The following MBNL2 variants were observed in gnomAD, a reference collection of about 807,000 sequenced individuals.
MBNL2 encodes the protein muscleblind-like protein 2.
In MBNL2, 17 loss-of-function variants were observed where a neutral mutation model predicts 41.9. The observed-to-expected ratio is 0.41, with a 90% CI of 0.28 to 0.61. MBNL2 has a LOEUF of 0.61. Among genes scored for constraint, MBNL2 ranks in the 20% least tolerant of loss-of-function variants. MBNL2 has a pLI of 0.35. For missense variants in MBNL2, 336 were observed against 505.6 expected (o/e 0.66, Z 3.22); for synonymous variants, 195 against 182.9 (o/e 1.07, Z -0.53).
intron 7 of MBNL2, among the ~76,000 whole-genome samples, chr13:97,363,418 CTGTGTGTGTGTGTGTGTGTGTG>C (rs55745808): frequency 1.3e-4 from 18 of 136,734 alleles, no homozygotes; most frequent in Admixed American, 5.8e-4. Flanking sequence ...GAAAGAAAAA[CTGTGTGTGTGTGTGTGTGTGTG>C]TGTGTGTGTG....
chr13:97,268,353 C>T lies in MBNL2; in HGVS notation c.-604-7279C>T, dbSNP rs141826151. ...CTGACTTCAAATGATCCATCTGCCT[C>T]GGCCTCCCAAACGCTGGGATTACAG... is the stretch of plus-strand genomic sequence containing the variant. On this transcript the variant is annotated intron_variant, in intron 1 of 8. Coordinates refer to ENST00000679496, the MANE Select transcript of MBNL2 (RefSeq NM_001382683.1). This position sits in a 1 kb window ranked among gnomAD's most constrained non-coding sequence, Gnocchi z 4.6. Among the ~76,000 whole-genome samples the T allele has an allele frequency of 3.9e-5, 6 of 152,294 alleles. No homozygotes were observed. Among genetic ancestry groups the T allele is most frequent in the African/African-American group, 1.2e-4 (5 of 41,554 alleles).
At chr13:97,175,682 C>A in the MBNL2 span, among the ~76,000 whole-genome samples, 1 of 152,110 alleles carries the variant, frequency 6.6e-6, no homozygotes, top group South Asian at 2.1e-4. Context: ...ATGGTAATTA[C>A]AAACTTGTAT....
At chr13:97,363,418 CTGTGTGTG>C (rs55745808) in intron 7 of MBNL2, among the ~76,000 whole-genome samples, 2,095 of 136,716 alleles carry the variant, frequency 0.015, 48 homozygotes, top group African/African-American at 0.054. Flanking sequence ...GAAAGAAAAA[CTGTGTGTG>C]TGTGTGTGTG....
the MBNL2 span, among the ~76,000 whole-genome samples, chr13:97,202,275 C>T: frequency 6.6e-6 from 1 of 152,146 alleles, no homozygotes. Flanking sequence ...CTTCCCACTA[C>T]TTCTATTAAT....
At chr13:97,330,276 G>T (rs1201104552) in intron 2 of MBNL2, among the ~76,000 whole-genome samples, 1 of 152,170 alleles carries the variant, frequency 6.6e-6, no homozygotes, top group Non-Finnish European at 1.5e-5. Context: ...CCCATGAGCT[G>T]GTCCCTGGTG....
At chr13:97,223,975 G>A (rs948125141) in intron 1 of MBNL2, among the ~76,000 whole-genome samples, 4 of 152,164 alleles carry the variant, frequency 2.6e-5, no homozygotes, top group African/African-American at 9.7e-5. Context: ...CCACTGGCAG[G>A]ACTTAAGTTA....
chr13:97,156,493 T>C, the MBNL2 span, among the ~76,000 whole-genome samples: 14 of 136,454 alleles, frequency 1.0e-4, no homozygotes, highest in African/African-American at 3.4e-4. Flanking sequence ...TGAATGGTAA[T>C]GCCTAGGTTT....
chr13:97,155,713 A>G, the MBNL2 span, among the ~76,000 whole-genome samples: 2 of 151,908 alleles, frequency 1.3e-5, no homozygotes, highest in Non-Finnish European at 2.9e-5. Context: ...ATGTCCCTAC[A>G]AAGGACATGA....
chr13:97,216,843 C>T (rs1240413412), upstream of MBNL2, among the ~76,000 whole-genome samples: 1 of 151,378 alleles, frequency 6.6e-6, no homozygotes, highest in African/African-American at 2.4e-5. Flanking sequence ...TGCATGTGTG[C>T]TTGTGTGTGT....
Position 97,366,387 on chromosome 13 carries a change from C to A in MBNL2, c.1048+1216C>A, listed in dbSNP as rs2063841040. On this transcript the variant is annotated intron_variant, in intron 8 of 8. Transcript: ENST00000679496. This position sits in a 1 kb window ranked among gnomAD's most constrained non-coding sequence, Gnocchi z 4.7. ...GCTTGCTGCTCTGATATTCACCATG[C>A]CAAAATACCACTTCTATTACCATAA... is the stretch of plus-strand genomic sequence containing the variant. The A allele has an allele frequency of 2.6e-6, 2 of 755,384 alleles. No individual in the cohort carries two copies. Among genetic ancestry groups the A allele is most frequent in the East Asian group, 5.0e-5 (2 of 40,386 alleles). 46.8% of individuals were successfully genotyped at this position (755,384 alleles called of 1,614,324 possible). A position where few individuals can be genotyped will look rare whatever the true frequency, so the allele number is the denominator to read the frequency against.
At chr13:97,356,283 T>C (rs1453104127) in intron 5 of MBNL2, among the ~76,000 whole-genome samples, 2 of 152,338 alleles carry the variant, frequency 1.3e-5, no homozygotes, top group East Asian at 3.9e-4. Context: ...TTCATTTTGT[T>C]AGGCCAGCTA....
At chr13:97,209,392 G>A in the MBNL2 span, among the ~76,000 whole-genome samples, 1 of 152,182 alleles carries the variant, frequency 6.6e-6, no homozygotes. Context: ...AGAGACCCAG[G>A]ATTAAGTCTT....
chr13:97,155,871 C>A, the MBNL2 span, among the ~76,000 whole-genome samples: 2 of 145,306 alleles, frequency 1.4e-5, no homozygotes, highest in South Asian at 4.7e-4. Flanking sequence ...GTGCATGTGT[C>A]TTTATAGCAG....
At chr13:97,159,054 G>T in the MBNL2 span, among the ~76,000 whole-genome samples, 1 of 151,580 alleles carries the variant, frequency 6.6e-6, no homozygotes. Flanking sequence ...GGTCACTCAG[G>T]ACTTGCTTTA....
chr13:97,302,387 A>C (rs1231837004), intron 2 of MBNL2, among the ~76,000 whole-genome samples: 1 of 152,184 alleles, frequency 6.6e-6, no homozygotes, highest in East Asian at 1.9e-4. Context: ...CTTTTTTCTA[A>C]AGGTATTTTA....
rs980367071 is a variant in MBNL2, at chr13:97,346,414, A to G, written c.541-390A>G. Among the ~76,000 whole-genome samples, 1 of 152,084 alleles carries G rather than the reference A, an allele frequency of 6.6e-6. No homozygotes were observed. On this transcript the variant is annotated intron_variant, in intron 4 of 8. Coordinates refer to ENST00000679496, the MANE Select transcript of MBNL2 (RefSeq NM_001382683.1). The surrounding 1 kb of genome is among the most constrained non-coding windows in gnomAD (Gnocchi z 4.2). ...TTGATTGATGGTAGATGATAGATGAAGGAATGGATGCATGGATAAATAGAT... is the reference window on the plus strand; with the variant it reads ...TTGATTGATGGTAGATGATAGATGAGGGAATGGATGCATGGATAAATAGAT...
At chr13:97,197,438 G>A in the MBNL2 span, among the ~76,000 whole-genome samples, 2 of 152,156 alleles carry the variant, frequency 1.3e-5, no homozygotes, top group Non-Finnish European at 2.9e-5. Context: ...GTCAAACTCA[G>A]TTTAATGTTT....
At chr13:97,197,879 T>A in the MBNL2 span, among the ~76,000 whole-genome samples, 2 of 152,244 alleles carry the variant, frequency 1.3e-5, no homozygotes, top group Non-Finnish European at 2.9e-5. Flanking sequence ...GGCTGTGTAC[T>A]GAGCTCCTAC....
the MBNL2 span, among the ~76,000 whole-genome samples, chr13:97,153,417 G>A: frequency 0.011 from 1,600 of 152,152 alleles, 19 homozygotes; most frequent in Non-Finnish European, 0.017. Context: ...AAGAAACAGT[G>A]TAAGCAAATT....
Sources: gnomAD v4.1 joint callset for allele counts (sites outside exome capture counted in the v4.1 genomes callset) on GRCh38, gnomAD v4.1.1 for gene constraint, Gnocchi (gnomAD v3.1) non-coding constraint, MANE v1.5 for transcripts, NCBI Gene and HGNC (gene_info 2026-07-23, HGNC 2026-07-21) for gene names.